AGBL1: variants seen among roughly 807,000 people sequenced by gnomAD.
AGBL1 encodes the protein AGBL carboxypeptidase 1.
In AGBL1, 130 loss-of-function variants were observed where a neutral mutation model predicts 118.9. The ratio of observed to expected loss-of-function variants is 1.09; its 90% CI spans 0.95 to 1.26. AGBL1 has a LOEUF of 1.26. Among genes scored for constraint, AGBL1 ranks in the 50% most tolerant of loss-of-function variants. The probability of loss-of-function intolerance (pLI) is 0.00; values close to 1 mark genes in which losing one functional copy is unlikely to be tolerated. For synonymous variants in AGBL1, 555 were observed against 478.9 expected (o/e 1.16, Z -2.08); for missense variants, 1,584 against 1,298.1 (o/e 1.22, Z -3.38).
At chr15:87,031,339 A>G (rs2081780701), downstream of AGBL1, among the ~76,000 whole-genome samples, 1 of 151,936 alleles carries the variant, frequency 6.6e-6, no homozygotes, top group African/African-American at 2.4e-5. Flanking sequence ...AAATAGAGAG[A>G]TATTTCTCAT....
At chr15:86,742,664 A>T (rs966006454) in intron 22 of AGBL1, among the ~76,000 whole-genome samples, 3 of 152,150 alleles carry the variant, frequency 2.0e-5, no homozygotes, top group African/African-American at 7.2e-5. Flanking sequence ...CCATTTTGCC[A>T]CAGAGAGGGA....
At chr15:87,011,188 C>T (rs762815758) in intron 24 of AGBL1, among the ~76,000 whole-genome samples, 4 of 151,392 alleles carry the variant, frequency 2.6e-5, no homozygotes, top group Non-Finnish European at 4.4e-5. Flanking sequence ...TTCCCATCTG[C>T]CAGCTAGATG....
intron 15 of AGBL1, among the ~76,000 whole-genome samples, chr15:86,276,479 A>G (rs2079253417): frequency 6.6e-6 from 1 of 152,216 alleles, no homozygotes; most frequent in African/African-American, 2.4e-5. Flanking sequence ...TACATTGAAC[A>G]ACCTAATTAT....
chr15:86,271,738 C>A, intron 15 of AGBL1, 32 bp downstream of exon 15: 2 of 1,557,026 alleles, frequency 1.3e-6, no homozygotes. Flanking sequence ...TTCCTTTTCT[C>A]TGTCCTGTAA....
At chr15:86,532,261 G>C (rs558880299) in intron 19 of AGBL1, among the ~76,000 whole-genome samples, 5 of 151,928 alleles carry the variant, frequency 3.3e-5, no homozygotes, top group Admixed American at 3.3e-4. Context: ...CTTCAGCAAA[G>C]TCTCAGGATA....
At chr15:86,444,259 T>A (rs2082096632) in intron 18 of AGBL1, among the ~76,000 whole-genome samples, 1 of 152,238 alleles carries the variant, frequency 6.6e-6, no homozygotes, top group South Asian at 2.1e-4. Flanking sequence ...TCACTGGCTT[T>A]ATTCTCCCCT....
intron 22 of AGBL1, among the ~76,000 whole-genome samples, chr15:86,808,749 T>C (rs2078751251): frequency 6.6e-6 from 1 of 151,358 alleles, no homozygotes; most frequent in Admixed American, 6.6e-5. Flanking sequence ...CTTTCCTTCC[T>C]TCTCTCCTTT....
intron 22 of AGBL1, among the ~76,000 whole-genome samples, chr15:86,757,702 C>T (rs1054565678): frequency 3.9e-5 from 6 of 152,028 alleles, no homozygotes; most frequent in African/African-American, 9.7e-5. Flanking sequence ...GTCTTGGCCA[C>T]GTTCTTTTAG....
intron 17 of AGBL1, among the ~76,000 whole-genome samples, chr15:86,313,226 G>T (rs750369679): frequency 4.9e-4 from 75 of 151,994 alleles, no homozygotes; most frequent in Non-Finnish European, 7.9e-4. Flanking sequence ...CGATTTTCTT[G>T]GTCTTTAAAA....
chr15:87,004,702 T>C (rs1218159002), intron 24 of AGBL1, among the ~76,000 whole-genome samples: 2 of 152,216 alleles, frequency 1.3e-5, no homozygotes, highest in Admixed American at 6.5e-5. Context: ...AAGGTTAATA[T>C]TGTTATCTGT....
intron 1 of AGBL1, among the ~76,000 whole-genome samples, chr15:86,094,562 T>C (rs1896233609): frequency 6.6e-6 from 1 of 152,080 alleles, no homozygotes; most frequent in African/African-American, 2.4e-5. Context: ...GGGAGATTGA[T>C]CTGCAATGTA....
intron 18 of AGBL1, among the ~76,000 whole-genome samples, chr15:86,414,422 G>A (rs1466243830): frequency 6.6e-6 from 1 of 152,140 alleles, no homozygotes; most frequent in African/African-American, 2.4e-5. Context: ...GTAGTTGGAT[G>A]TCTAAGTGTG....
chr15:86,516,660 G>A (rs551309455), intron 18 of AGBL1, among the ~76,000 whole-genome samples: 7 of 152,238 alleles, frequency 4.6e-5, no homozygotes, highest in Non-Finnish European at 8.8e-5. Flanking sequence ...AATTAGCTGG[G>A]CGTGGCGGCA....
At chr15:86,492,004 A>G (rs954681092) in intron 18 of AGBL1, among the ~76,000 whole-genome samples, 1 of 152,082 alleles carries the variant, frequency 6.6e-6, no homozygotes, top group Non-Finnish European at 1.5e-5. Context: ...AGCCCTTGAA[A>G]GTTGATTTTA....
rs576615896 is a variant in AGBL1 at position 86,613,485 on chromosome 15, G to C, written c.2994+58948G>C. ...TTAGCTCAGACAGAGAAGGCTTGCT[G>C]TGAAGTACTTAAAGGCTGCCATGTG... On this transcript the variant is annotated intron_variant, in intron 21 of 22. Coordinates refer to ENST00000614907, the MANE Select transcript of AGBL1 (RefSeq NM_001386094.1). The surrounding 1 kb of genome is among the most constrained non-coding windows in gnomAD (Gnocchi z 4.2). Among the ~76,000 whole-genome samples the C allele has an allele frequency of 9.7e-4, 148 of 152,264 alleles. No homozygotes were observed. Among genetic ancestry groups the C allele is most frequent in the Middle Eastern group, 3.4e-3 (1 of 294 alleles).
At chr15:86,263,747 T>C (rs1345752969) in intron 10 of AGBL1, among the ~76,000 whole-genome samples, 2 of 152,194 alleles carry the variant, frequency 1.3e-5, no homozygotes, top group African/African-American at 2.4e-5. Context: ...CTTTTTGATC[T>C]CCATTATTTT....
At chr15:86,781,630 A>G (rs2078337813) in intron 22 of AGBL1, among the ~76,000 whole-genome samples, 1 of 152,206 alleles carries the variant, frequency 6.6e-6, no homozygotes, top group Admixed American at 6.5e-5. Flanking sequence ...AAACAGTGAC[A>G]TTAAACCTAT....
chr15:86,364,986 T>TATAC (rs1567219451), intron 17 of AGBL1, among the ~76,000 whole-genome samples: 1 of 75,098 alleles, frequency 1.3e-5, no homozygotes, highest in Non-Finnish European at 3.2e-5. Flanking sequence ...TATATATATA[T>TATAC]ATACACACAC....
intron 21 of AGBL1, among the ~76,000 whole-genome samples, chr15:86,662,041 A>T (rs2085550748): frequency 6.6e-6 from 1 of 152,216 alleles, no homozygotes; most frequent in East Asian, 1.9e-4. Flanking sequence ...CTTCCCTTGA[A>T]TATCACTTCT....
Sources: gnomAD v4.1 joint callset for allele counts (sites outside exome capture counted in the v4.1 genomes callset) on GRCh38, gnomAD v4.1.1 for gene constraint, Gnocchi (gnomAD v3.1) non-coding constraint, MANE v1.5 for transcripts, NCBI Gene and HGNC (gene_info 2026-07-23, HGNC 2026-07-21) for gene names.